Variants in DYNC1I1 observed in about 807,000 individuals in gnomAD.
DYNC1I1 encodes cytoplasmic dynein 1 intermediate chain 1.
DYNC1I1 carries 43 observed loss-of-function variants against 86.6 expected under a neutral mutation model. The ratio of observed to expected loss-of-function variants is 0.50; its 90% confidence interval spans 0.39 to 0.64. The LOEUF is 0.64. Ranked by LOEUF, DYNC1I1 falls within the 30% of genes least tolerant of loss-of-function variation. DYNC1I1 has a pLI of 0.00. For missense variants in DYNC1I1, 604 were observed against 788.8 expected (o/e 0.77, Z 2.81); for synonymous variants, 262 against 283.7 (o/e 0.92, Z 0.77).
intron 6 of DYNC1I1, among the ~76,000 whole-genome samples, chr7:95,939,737 T>C (rs1211242283): frequency 6.6e-6 from 1 of 152,190 alleles, no homozygotes; most frequent in African/African-American, 2.4e-5. Context: ...CTGATGGGTC[T>C]TGACTCTTTA....
chr7:95,846,481 A>G (rs1162193327), intron 5 of DYNC1I1, among the ~76,000 whole-genome samples: 1 of 152,228 alleles, frequency 6.6e-6, no homozygotes, highest in East Asian at 1.9e-4. Context: ...TGAAATAAAT[A>G]CTTCCTAAAA....
intron 6 of DYNC1I1, among the ~76,000 whole-genome samples, chr7:95,886,291 C>T (rs1038862602): frequency 1.3e-5 from 2 of 151,960 alleles, no homozygotes; most frequent in African/African-American, 2.4e-5. Context: ...CAAAAATTAC[C>T]TGAGCGTGGT....
chr7:96,092,053 T>G (rs1790863701), intron 16 of DYNC1I1, among the ~76,000 whole-genome samples: 1 of 152,212 alleles, frequency 6.6e-6, no homozygotes, highest in Admixed American at 6.5e-5. Flanking sequence ...AGAATTTTTC[T>G]TGTGATTTGA....
At chr7:96,064,398 T>C (rs1395310623) in intron 14 of DYNC1I1, among the ~76,000 whole-genome samples, 1 of 152,142 alleles carries the variant, frequency 6.6e-6, no homozygotes, top group African/African-American at 2.4e-5. Context: ...CACAGGAAAT[T>C]TGTGGCTAGA....
At chr7:96,096,079 T>C (rs1790995671) in intron 16 of DYNC1I1, among the ~76,000 whole-genome samples, 1 of 152,166 alleles carries the variant, frequency 6.6e-6, no homozygotes, top group Admixed American at 6.5e-5. Context: ...TCCTTGCCTC[T>C]ATATCATTTC....
At chr7:95,810,307 C>T (rs1794798655) in intron 2 of DYNC1I1, 85 bp from the exon 3 acceptor site, 1 of 1,076,670 alleles carries the variant, frequency 9.3e-7, no homozygotes, top group Non-Finnish European at 1.3e-6. Context: ...TCTTCACTGC[C>T]ATGCATTTAT....
chr7:95,886,583 G>A (rs1435958052), intron 6 of DYNC1I1, among the ~76,000 whole-genome samples: 1 of 152,108 alleles, frequency 6.6e-6, no homozygotes, highest in Non-Finnish European at 1.5e-5. Context: ...TTCTTCCCAT[G>A]ATGCCATTCT....
chr7:95,784,033 C>T (rs1423619242), intron 1 of DYNC1I1, among the ~76,000 whole-genome samples: 2 of 152,120 alleles, frequency 1.3e-5, no homozygotes, highest in African/African-American at 2.4e-5. Context: ...AAATGTACCA[C>T]GTCTTGTGTG....
intron 1 of DYNC1I1, among the ~76,000 whole-genome samples, chr7:95,796,512 C>T (rs1361412939): frequency 2.0e-5 from 3 of 152,064 alleles, no homozygotes; most frequent in Admixed American, 6.6e-5. Flanking sequence ...CCTCCTAACT[C>T]TAGTTTTCTT....
Position 95,995,249 on chromosome 7 carries a change from A to AAAATAAATAAATAAAT in DYNC1I1, c.844-676_844-661dup, listed in dbSNP as rs71127433. On this transcript the variant is annotated intron_variant, in intron 9 of 16. Coordinates refer to ENST00000447467, the MANE Select transcript of DYNC1I1 (RefSeq NM_001135556.2). ...GCAACAGAGCGAGACTCCATCTCAAAAAATAAATAAATAAATAAATAAATA... is the reference window on the plus strand; with the variant it reads ...GCAACAGAGCGAGACTCCATCTCAAAAAATAAATAAATAAATAAATAAATAAATAAATAAATAAATA... Among the ~76,000 whole-genome samples the AAAATAAATAAATAAAT allele has an allele frequency of 7.8e-3, 1,115 of 143,122 alleles. 7 individuals are homozygous for AAAATAAATAAATAAAT. The highest frequency in any genetic ancestry group is 0.019 in the African/African-American group (734 of 38,926). 93.9% of individuals were successfully genotyped at this position (143,122 alleles called of 152,430 possible).
At chr7:96,032,641 G>C (rs1794840307) in intron 11 of DYNC1I1, 26 bp from the exon 12 acceptor site, 4 of 1,563,318 alleles carry the variant, frequency 2.6e-6, no homozygotes, top group Non-Finnish European at 3.5e-6. Flanking sequence ...ATCTGTCTCT[G>C]ATCCTCTTTG....
At chr7:95,801,993 C>A (rs1052832714) in intron 1 of DYNC1I1, among the ~76,000 whole-genome samples, 15 of 152,062 alleles carry the variant, frequency 9.9e-5, no homozygotes, top group African/African-American at 3.1e-4. Flanking sequence ...CACGGCTCTG[C>A]TTGCTCAATT....
chr7:95,892,462 C>T (rs1466982447), intron 6 of DYNC1I1, among the ~76,000 whole-genome samples: 2 of 152,200 alleles, frequency 1.3e-5, no homozygotes, highest in East Asian at 1.9e-4. Context: ...AGATGCCTGC[C>T]ACCACGCCCA....
intron 5 of DYNC1I1, among the ~76,000 whole-genome samples, chr7:95,855,964 T>C (rs1280827288): frequency 6.6e-6 from 1 of 152,202 alleles, no homozygotes; most frequent in Admixed American, 6.5e-5. Flanking sequence ...ACTAAATTTA[T>C]AATTTTTTCC....
chr7:95,818,717 A>C, intron 4 of DYNC1I1: 1 of 426,738 alleles, frequency 2.3e-6, no homozygotes, highest in Non-Finnish European at 4.1e-6. Flanking sequence ...ATGAGCAAAA[A>C]TAACAAAATA....
chr7:95,782,584 T>G (rs1794021843), intron 1 of DYNC1I1, among the ~76,000 whole-genome samples: 1 of 152,218 alleles, frequency 6.6e-6, no homozygotes, highest in African/African-American at 2.4e-5. Flanking sequence ...CATCGAGGGA[T>G]GCATTGTAAT....
downstream of DYNC1I1, among the ~76,000 whole-genome samples, chr7:96,099,150 C>A (rs1304248537): frequency 6.6e-6 from 1 of 152,070 alleles, no homozygotes; most frequent in Non-Finnish European, 1.5e-5. Context: ...AATAAAAATG[C>A]AAAACGCGTG....
At chr7:95,907,877 A>T (rs1362413611) in intron 6 of DYNC1I1, among the ~76,000 whole-genome samples, 1 of 152,124 alleles carries the variant, frequency 6.6e-6, no homozygotes, top group East Asian at 1.9e-4. Context: ...AAGCATTGTC[A>T]AATTGAGTTC....
At chr7:95,962,911 ACTAT>A in intron 6 of DYNC1I1, among the ~76,000 whole-genome samples, 1 of 152,184 alleles carries the variant, frequency 6.6e-6, no homozygotes, top group East Asian at 1.9e-4. Context: ...CAGTTGAAAC[ACTAT>A]TGACTTATAA....
Sources: gnomAD v4.1 joint callset for allele counts (sites outside exome capture counted in the v4.1 genomes callset) on GRCh38, gnomAD v4.1.1 for gene constraint, MANE v1.5 for transcripts, NCBI Gene and HGNC (gene_info 2026-07-23, HGNC 2026-07-21) for gene names.